NRG1: variants seen among roughly 807,000 people sequenced by gnomAD.
NRG1 encodes neuregulin 1, also known as pro-neuregulin-1, membrane-bound isoform.
NRG1 carries 18 observed loss-of-function variants against 63.8 expected under a neutral mutation model. The ratio of observed to expected loss-of-function variants is 0.28; its 90% CI spans 0.19 to 0.42. NRG1 has a LOEUF of 0.42. Ranked by LOEUF, NRG1 falls within the 10% of genes least tolerant of loss-of-function variation. NRG1 has a pLI of 1.00. For synonymous variants in NRG1, 302 were observed against 301.3 expected (o/e 1.00, Z -0.02); for missense variants, 762 against 814.7 (o/e 0.94, Z 0.79).
rs956138625 is a variant in NRG1 at position 32,485,237 on chromosome 8, C to A, written c.38-110591C>A. On this transcript the variant is annotated intron_variant, in intron 1 of 10. Transcript: ENST00000519301. ...TCAAGCGATACTCCTGCCTCAGCCT[C>A]CCAAGGAGCTGGGATTATAGTACCA... Among the ~76,000 whole-genome samples, 35 of 151,994 alleles carry A rather than the reference C, an allele frequency of 2.3e-4. 1 individual carries two copies. Among genetic ancestry groups the A allele is most frequent in the Middle Eastern group, 6.3e-3 (2 of 316 alleles).
chr8:32,664,870 T>G (rs1319660906), intron 5 of NRG1, among the ~76,000 whole-genome samples: 1 of 152,190 alleles, frequency 6.6e-6, no homozygotes, highest in East Asian at 1.9e-4. Context: ...TATTGGGTTC[T>G]CCTAAGTCTT....
chr8:32,723,501 G>A (rs2129006512), intron 5 of NRG1, among the ~76,000 whole-genome samples: 1 of 151,674 alleles, frequency 6.6e-6, no homozygotes, highest in South Asian at 2.1e-4. Flanking sequence ...CCAACATGGT[G>A]AAACCCCCTC....
At chr8:32,651,637 T>A (rs1855145754) in intron 5 of NRG1, among the ~76,000 whole-genome samples, 1 of 152,148 alleles carries the variant, frequency 6.6e-6, no homozygotes, top group South Asian at 2.1e-4. Context: ...TTGGGCCAAC[T>A]TTGTTTTGCT....
At chr8:32,338,312 T>G (rs186106979) in intron 1 of NRG1, among the ~76,000 whole-genome samples, 24 of 152,342 alleles carry the variant, frequency 1.6e-4, no homozygotes, top group South Asian at 4.1e-4. Flanking sequence ...GGATCTTTTT[T>G]GTCTTTGTTG....
intron 1 of NRG1, among the ~76,000 whole-genome samples, chr8:31,811,672 A>G (rs1822900996): frequency 6.6e-6 from 1 of 152,072 alleles, no homozygotes; most frequent in Non-Finnish European, 1.5e-5. Flanking sequence ...TCCCTTTTAT[A>G]TTTAGAAAAT....
chr8:32,521,347 G>A (rs1405761002), intron 1 of NRG1, among the ~76,000 whole-genome samples: 1 of 152,052 alleles, frequency 6.6e-6, no homozygotes, highest in Admixed American at 6.6e-5. Context: ...TGCCTTTTTA[G>A]TGCTCAGTAT....
At chr8:32,152,893 A>G (rs372349550) in intron 1 of NRG1, among the ~76,000 whole-genome samples, 1 of 152,220 alleles carries the variant, frequency 6.6e-6, no homozygotes, top group Admixed American at 6.5e-5. Context: ...CATTTTTAAG[A>G]GGAGTAGAAA....
At chr8:32,106,545 A>C (rs929017472) in intron 1 of NRG1, among the ~76,000 whole-genome samples, 1 of 152,146 alleles carries the variant, frequency 6.6e-6, no homozygotes, top group Non-Finnish European at 1.5e-5. Context: ...AGTGCCTTAA[A>C]TTAGGTTTCT....
intron 1 of NRG1, among the ~76,000 whole-genome samples, chr8:31,875,761 T>C (rs1585427224): frequency 6.6e-6 from 1 of 152,296 alleles, no homozygotes. Context: ...CCTTGCTTTG[T>C]TTTTGTTCTT....
At chr8:31,697,410 A>T (rs1259322931) in intron 1 of NRG1, among the ~76,000 whole-genome samples, 1 of 152,204 alleles carries the variant, frequency 6.6e-6, no homozygotes, top group Non-Finnish European at 1.5e-5. Flanking sequence ...ATTTTGTAGA[A>T]ACCCTAGTAA....
At chr8:32,634,765 A>G (rs1851008106) in intron 5 of NRG1, among the ~76,000 whole-genome samples, 1 of 152,214 alleles carries the variant, frequency 6.6e-6, no homozygotes, top group African/African-American at 2.4e-5. Context: ...TATGTAATTG[A>G]TGATTTTAAA....
At chr8:32,714,029 T>C (rs1818536327) in intron 5 of NRG1, among the ~76,000 whole-genome samples, 1 of 152,088 alleles carries the variant, frequency 6.6e-6, no homozygotes, top group Admixed American at 6.6e-5. Flanking sequence ...TTCACCATGT[T>C]GAGCAAGCTT....
At chr8:31,651,944 C>T (rs996119060) in intron 1 of NRG1, among the ~76,000 whole-genome samples, 1 of 152,176 alleles carries the variant, frequency 6.6e-6, no homozygotes, top group Non-Finnish European at 1.5e-5. Flanking sequence ...TACCTGGTAA[C>T]TTATGTCCTA....
intron 1 of NRG1, among the ~76,000 whole-genome samples, chr8:32,168,350 C>T (rs1839627650): frequency 6.6e-6 from 1 of 152,162 alleles, no homozygotes; most frequent in Non-Finnish European, 1.5e-5. Context: ...ACACAATGTG[C>T]TTTGCTGCCT....
chr8:32,731,521 G>A (rs77070758), intron 6 of NRG1, among the ~76,000 whole-genome samples: 235 of 152,022 alleles, frequency 1.5e-3, no homozygotes, highest in African/African-American at 5.5e-3. Context: ...CCTCCTTTGA[G>A]ATGGTGACTT....
At chr8:32,187,048 A>AT (rs1487129685) in intron 1 of NRG1, among the ~76,000 whole-genome samples, 3 of 152,170 alleles carry the variant, frequency 2.0e-5, no homozygotes, top group Non-Finnish European at 4.4e-5. Context: ...GAATGACTGA[A>AT]TGTTCAAATT....
intron 1 of NRG1, among the ~76,000 whole-genome samples, chr8:31,777,444 G>A (rs538503027): frequency 2.6e-5 from 4 of 152,230 alleles, no homozygotes; most frequent in Non-Finnish European, 5.9e-5. Flanking sequence ...CATGCGTGGG[G>A]CAGAGCCCCA....
rs574025553 is a variant in NRG1 at position 32,488,613 on chromosome 8, C to T, written c.38-107215C>T. 4.7e-5 allele frequency among the ~76,000 whole-genome samples: 7 copies of T among 150,286 alleles called. No individual in the cohort carries two copies. In the South Asian group the frequency reaches 1.5e-3, roughly 32 times the overall value. On this transcript the variant is annotated intron_variant, in intron 1 of 10. Transcript: ENST00000519301. ...CAACATGGCAAAACCCCATCTCTAC[C>T]CAAACAAACAAACAAACAAACAAAC...
chr8:32,040,750 C>CATATATGTGTATATAT (rs1819864113), intron 1 of NRG1, among the ~76,000 whole-genome samples: 3 of 48,684 alleles, frequency 6.2e-5, no homozygotes, highest in Non-Finnish European at 8.4e-5. Flanking sequence ...AATTTAGGCG[C>CATATATGTGTATATAT]ATATATATAT....
Sources: allele counts gnomAD v4.1 joint callset (sites outside exome capture counted in the v4.1 genomes callset), GRCh38; gene constraint gnomAD v4.1.1; transcripts MANE v1.5; gene names NCBI Gene and HGNC (gene_info 2026-07-23, HGNC 2026-07-21).